Variants in YEATS4 observed in about 807,000 individuals in gnomAD.
The protein encoded by YEATS4 is YEATS domain containing 4.
In YEATS4, 17 loss-of-function variants were observed where a neutral mutation model predicts 30.1. The ratio of observed to expected loss-of-function variants is 0.56; its 90% CI spans 0.39 to 0.85. The LOEUF is 0.85. YEATS4 is among the 40% of genes least tolerant of loss of function. YEATS4 has a pLI of 0.00. For synonymous variants in YEATS4, 85 were observed against 87.5 expected (o/e 0.97, Z 0.16); for missense variants, 142 against 268.3 (o/e 0.53, Z 3.29).
At chr12:69,396,369 G>A in the YEATS4 span, among the ~76,000 whole-genome samples, 106 of 152,328 alleles carry the variant, frequency 7.0e-4, no homozygotes, top group African/African-American at 2.2e-3. Context: ...TTGGGACAGA[G>A]ATTCAATTTT....
chr12:69,380,252 T>A (rs1016985403), intron 6 of YEATS4, among the ~76,000 whole-genome samples: 1 of 152,226 alleles, frequency 6.6e-6, no homozygotes, highest in Non-Finnish European at 1.5e-5. Context: ...TTCCAGGTAT[T>A]TGAAGGAACT....
At chr12:69,414,041 A>G in the YEATS4 span, among the ~76,000 whole-genome samples, 1 of 152,122 alleles carries the variant, frequency 6.6e-6, no homozygotes. Flanking sequence ...GATACATGAC[A>G]TCTATAAACT....
intron 6 of YEATS4, among the ~76,000 whole-genome samples, chr12:69,375,570 G>T (rs551536422): frequency 1.3e-5 from 2 of 152,310 alleles, no homozygotes; most frequent in Non-Finnish European, 1.5e-5. Flanking sequence ...GATGGAGGTT[G>T]TAGCGAGCAG....
downstream of YEATS4, among the ~76,000 whole-genome samples, chr12:69,391,354 A>T (rs1339857171): frequency 6.6e-6 from 1 of 151,754 alleles, no homozygotes. Context: ...GCAGCTGTGC[A>T]TTAGCTTCAT....
chr12:69,413,157 T>A, the YEATS4 span, among the ~76,000 whole-genome samples: 15 of 152,060 alleles, frequency 9.9e-5, no homozygotes, highest in African/African-American at 3.1e-4. Flanking sequence ...TCATGCCTAC[T>A]ATCCCACCAC....
chr12:69,372,872 G>A (rs1875701321), intron 6 of YEATS4, among the ~76,000 whole-genome samples: 1 of 92,762 alleles, frequency 1.1e-5, no homozygotes, highest in South Asian at 3.8e-4. Flanking sequence ...ACAAATAAGT[G>A]AGAATATATA....
intron 6 of YEATS4, among the ~76,000 whole-genome samples, chr12:69,374,452 C>T (rs1281673779): frequency 2.0e-5 from 3 of 151,270 alleles, no homozygotes; most frequent in Non-Finnish European, 2.9e-5. Flanking sequence ...GGGTGTTTCT[C>T]GGAGAGGGGG....
intron 4 of YEATS4, 86 bp from the exon 5 acceptor site, chr12:69,370,620 C>A: frequency 9.2e-7 from 1 of 1,086,190 alleles, no homozygotes; most frequent in Non-Finnish European, 1.3e-6. Flanking sequence ...ATACTTATTC[C>A]AGTCTCTATT....
intron 6 of YEATS4, among the ~76,000 whole-genome samples, chr12:69,389,407 G>T (rs931016681): frequency 1.4e-5 from 2 of 146,256 alleles, no homozygotes; most frequent in Non-Finnish European, 3.0e-5. Flanking sequence ...CTGAGATCAT[G>T]CCACTGCTCT....
At chr12:69,395,945 T>G in the YEATS4 span, among the ~76,000 whole-genome samples, 1 of 152,220 alleles carries the variant, frequency 6.6e-6, no homozygotes, top group African/African-American at 2.4e-5. Flanking sequence ...CTCTCTGATC[T>G]GGCTTTTAAA....
chr12:69,367,370 A>T (rs1875474324), intron 4 of YEATS4, among the ~76,000 whole-genome samples: 1 of 150,616 alleles, frequency 6.6e-6, no homozygotes, highest in Non-Finnish European at 1.5e-5. Flanking sequence ...TTTGGCAATA[A>T]TTTTTTTTTT....
chr12:69,408,682 G>A, the YEATS4 span, among the ~76,000 whole-genome samples: 4 of 152,156 alleles, frequency 2.6e-5, no homozygotes, highest in African/African-American at 7.2e-5. Context: ...CCAGCCTATG[G>A]CCCAAGTAGT....
intron 6 of YEATS4, among the ~76,000 whole-genome samples, chr12:69,376,795 T>C (rs944939282): frequency 7.2e-5 from 11 of 152,330 alleles, no homozygotes; most frequent in Admixed American, 5.9e-4. Context: ...CTTCTTCAAA[T>C]GTTTGGTAAA....
At chr12:69,366,675 GTTTCAAGGC>G (rs1272804395) in intron 4 of YEATS4, among the ~76,000 whole-genome samples, 2 of 150,944 alleles carry the variant, frequency 1.3e-5, no homozygotes, top group African/African-American at 2.4e-5. Flanking sequence ...TTTAACTCCA[GTTTCAAGGC>G]TTTCACATTC....
downstream of YEATS4, among the ~76,000 whole-genome samples, chr12:69,392,355 C>T (rs569749813): frequency 2.0e-5 from 3 of 152,250 alleles, no homozygotes; most frequent in South Asian, 4.1e-4. Flanking sequence ...CATAATTATC[C>T]AATGACACAA....
the YEATS4 span, among the ~76,000 whole-genome samples, chr12:69,416,102 C>T: frequency 1.3e-5 from 2 of 152,186 alleles, no homozygotes; most frequent in Non-Finnish European, 2.9e-5. Flanking sequence ...GCCCGCGGTC[C>T]TACCTCAGTG....
At chr12:69,418,206 G>A in the YEATS4 span, among the ~76,000 whole-genome samples, 2 of 152,166 alleles carry the variant, frequency 1.3e-5, no homozygotes, top group African/African-American at 2.4e-5. Flanking sequence ...CTGTACTGAA[G>A]ATCCTATGCT....
chr12:69,398,668 A>G, the YEATS4 span, among the ~76,000 whole-genome samples: 7 of 151,936 alleles, frequency 4.6e-5, no homozygotes, highest in African/African-American at 7.2e-5. Flanking sequence ...TATAAAAATT[A>G]ACTGGGCATG....
intron 6 of YEATS4, among the ~76,000 whole-genome samples, chr12:69,381,782 C>T (rs529033629): frequency 1.3e-5 from 2 of 152,344 alleles, no homozygotes; most frequent in Admixed American, 6.5e-5. Context: ...ACATCTCTCC[C>T]TTTCTTTTTA....
Sources: allele counts gnomAD v4.1 joint callset (sites outside exome capture counted in the v4.1 genomes callset), GRCh38; gene constraint gnomAD v4.1.1; transcripts MANE v1.5; gene names NCBI Gene and HGNC (gene_info 2026-07-23, HGNC 2026-07-21).